DIAPH2: variants seen among roughly 807,000 people sequenced by gnomAD.
The protein encoded by DIAPH2 is diaphanous related formin 2, also known as protein diaphanous homolog 2.
In DIAPH2, 35 loss-of-function variants were observed where a neutral mutation model predicts 92.7. That is an observed-to-expected ratio of 0.38 (90% CI 0.29 to 0.50). The LOEUF (loss-of-function observed/expected upper bound fraction) is 0.50, where lower values mean the gene tolerates loss of function less well. DIAPH2 is among the 20% of genes least tolerant of loss of function. The pLI is 0.94. For missense variants in DIAPH2, 701 were observed against 819.5 expected, an observed-to-expected ratio of 0.86 and a Z score of 1.77; for synonymous variants, 301 against 280.4, an observed-to-expected ratio of 1.07 and a Z score of -0.73.
At chrX:96,990,426 T>A (rs1326342078) in intron 17 of DIAPH2, among the ~76,000 whole-genome samples, 2 of 111,743 alleles carry the variant, frequency 1.8e-5, no homozygotes, top group Admixed American at 9.5e-5. Context: ...CACAACAGTA[T>A]CATATAGTCT....
intron 14 of DIAPH2, among the ~76,000 whole-genome samples, chrX:96,947,371 G>A (rs774524056): frequency 9.0e-6 from 1 of 110,909 alleles, no homozygotes; most frequent in South Asian, 3.9e-4. Context: ...ATCTTAACAC[G>A]GATAGTAGTA....
In DIAPH2 at chrX:97,599,199, A is replaced by G. The variant is rs752671427; in HGVS notation, c.3242-54A>G. 6 of 907,820 alleles carry G rather than the reference A, an allele frequency of 6.6e-6. No individual in the cohort carries two copies. The East Asian group carries it at 1.7e-4, about 26-fold the overall frequency. The allele number at this position is 907,820 out of a possible 1,213,427, so 74.8% of individuals were successfully genotyped here. A position where few individuals can be genotyped will look rare whatever the true frequency, so the allele number is the denominator to read the frequency against. On this transcript the variant is annotated intron_variant, in intron 26 of 26. Coordinates refer to ENST00000324765, the MANE Select transcript of DIAPH2 (RefSeq NM_006729.5). Reference sequence around the variant, plus strand: ...CTTTCTCAACCTAACATCATGTAATAGCAAAGATCTAAAACTTACCATGCT... The same window carrying G: ...CTTTCTCAACCTAACATCATGTAATGGCAAAGATCTAAAACTTACCATGCT...
chrX:96,692,507 A>G (rs2147515824), intron 1 of DIAPH2, among the ~76,000 whole-genome samples: 1 of 112,100 alleles, frequency 8.9e-6, no homozygotes, highest in Admixed American at 9.5e-5. Flanking sequence ...TACTCCACAT[A>G]AAGTGCTATC....
intron 23 of DIAPH2, among the ~76,000 whole-genome samples, chrX:97,278,222 G>A (rs775702878): frequency 1.1e-4 from 12 of 112,184 alleles, no homozygotes; most frequent in South Asian, 3.7e-4. Context: ...CAGAAAACAT[G>A]AGCACATAGT....
chrX:97,111,096 C>T (rs1231765517), intron 20 of DIAPH2, among the ~76,000 whole-genome samples: 2 of 112,286 alleles, frequency 1.8e-5, no homozygotes, highest in African/African-American at 6.5e-5. Flanking sequence ...AATACTTTTC[C>T]TTTATGGAAC....
Position 96,918,603 on chromosome X carries a change from G to A in DIAPH2, c.964G>A (p.Ala322Thr), listed in dbSNP as rs1482828872. The A allele has an allele frequency of 9.3e-6, 11 of 1,188,742 alleles. No individual in the cohort carries two copies. Among genetic ancestry groups the A allele is most frequent in the Non-Finnish European group, 1.3e-5 (11 of 877,755 alleles). Residue 322 changes from alanine to threonine, a missense_variant, in exon 9 of 27, where the codon GCC (alanine) becomes ACC (threonine). By Grantham distance (58) the Ala-to-Thr change is moderately conservative (BLOSUM62 0). Transcript: ENST00000324765. ...TGTGGAAGGTTTAGAAAATCAGGAA[G>A]CCTTGCAATTACAGGTGAGTTAGTT... ...PIVEGLENQE[A>T]LQLQVACMQF...
chrX:96,953,922 A>G (rs1174101785), intron 15 of DIAPH2: 1 of 112,185 alleles, frequency 8.9e-6, no homozygotes, highest in East Asian at 2.8e-4. Flanking sequence ...AGTTTCACCA[A>G]TGAATACATT....
chrX:96,990,756 A>G (rs2066064139), intron 17 of DIAPH2, among the ~76,000 whole-genome samples: 1 of 110,911 alleles, frequency 9.0e-6, no homozygotes, highest in African/African-American at 3.3e-5. Context: ...TTAATTATTT[A>G]TCTTTGTTGG....
At chrX:97,528,212 C>T (rs2071036262) in intron 26 of DIAPH2, among the ~76,000 whole-genome samples, 1 of 112,329 alleles carries the variant, frequency 8.9e-6, no homozygotes, top group African/African-American at 3.2e-5. Flanking sequence ...TTGAGCCACA[C>T]TATAAGGAGA....
At chrX:96,882,473 A>G (rs1289419410) in intron 5 of DIAPH2, among the ~76,000 whole-genome samples, 1 of 111,342 alleles carries the variant, frequency 9.0e-6, no homozygotes, top group African/African-American at 3.3e-5. Flanking sequence ...TAACCAGTAA[A>G]AGAAGTGAGA....
At chrX:97,181,194 C>T (rs752884799) in intron 22 of DIAPH2, among the ~76,000 whole-genome samples, 68 of 108,943 alleles carry the variant, frequency 6.2e-4, no homozygotes, top group African/African-American at 2.1e-3. Context: ...TTCAGCCTCC[C>T]GAGTGGGGAT....
rs779410858 is a variant in DIAPH2 at position 96,987,940 on chromosome X, A to G, written c.2050+22733A>G. 6.3e-5 allele frequency among the ~76,000 whole-genome samples: 7 copies of G among 111,289 alleles called. No homozygotes were observed. In the South Asian group the frequency reaches 2.6e-3, roughly 42 times the overall value. On this transcript the variant is annotated intron_variant, in intron 17 of 26. Transcript: ENST00000324765. ...ATTTGGTTTATAGAATTACTAATTA[A>G]TTTTTTGTTGGAGAAAACTGCTTAT...
intron 26 of DIAPH2, among the ~76,000 whole-genome samples, chrX:97,470,949 C>T (rs1322776130): frequency 9.0e-6 from 1 of 111,605 alleles, no homozygotes; most frequent in Non-Finnish European, 1.9e-5. Context: ...ATTGGTATTA[C>T]AGCATTCCAA....
intron 4 of DIAPH2, among the ~76,000 whole-genome samples, chrX:96,808,935 C>A (rs1420300938): frequency 1.8e-5 from 2 of 111,398 alleles, no homozygotes; most frequent in African/African-American, 3.3e-5. Flanking sequence ...TTGAATAGTA[C>A]CATGTATTTA....
At chrX:97,173,956 G>A (rs73546794) in intron 22 of DIAPH2, among the ~76,000 whole-genome samples, 7,023 of 105,489 alleles carry the variant, frequency 0.067, 531 homozygotes, top group African/African-American at 0.21. Context: ...AGTATCTAAT[G>A]GTATCTAAAG....
At chrX:97,055,378 G>A (rs764778232) in intron 17 of DIAPH2, among the ~76,000 whole-genome samples, 4 of 111,213 alleles carry the variant, frequency 3.6e-5, no homozygotes, top group Non-Finnish European at 7.5e-5. Flanking sequence ...GCAGGCTTAG[G>A]GAGAGAAGAT....
chrX:97,220,374 A>C (rs2067915183), intron 22 of DIAPH2, among the ~76,000 whole-genome samples: 1 of 110,546 alleles, frequency 9.0e-6, no homozygotes, highest in South Asian at 3.8e-4. Flanking sequence ...TTAGAAAAAA[A>C]AAAAAAAGAA....
At chrX:96,694,244 T>C (rs1398538161) in intron 1 of DIAPH2, among the ~76,000 whole-genome samples, 1 of 111,922 alleles carries the variant, frequency 8.9e-6, no homozygotes, top group African/African-American at 3.2e-5. Context: ...TAATTGTAGA[T>C]CAATTAGCTT....
intron 3 of DIAPH2, among the ~76,000 whole-genome samples, chrX:96,752,405 C>G (rs187366952): frequency 8.9e-6 from 1 of 112,398 alleles, no homozygotes; most frequent in East Asian, 2.8e-4. Flanking sequence ...TTACTGCATT[C>G]CAGGAATTAT....
Sources: gnomAD v4.1 joint callset for allele counts (sites outside exome capture counted in the v4.1 genomes callset) on GRCh38, gnomAD v4.1.1 for gene constraint, MANE v1.5 for transcripts, NCBI Gene and HGNC (gene_info 2026-07-23, HGNC 2026-07-21) for gene names.